Variants in LHFPL3 observed in about 807,000 individuals in gnomAD.
The protein encoded by LHFPL3 is LHFPL tetraspan subfamily member 3 protein.
Under a neutral mutation model 19.3 loss-of-function variants are expected in LHFPL3, and 5 were observed. That is an observed-to-expected ratio of 0.26 (90% CI 0.14 to 0.54). The LOEUF is 0.54. Ranked by LOEUF, LHFPL3 falls within the 20% of genes least tolerant of loss-of-function variation. The pLI is 0.94. For synonymous variants in LHFPL3, 133 were observed against 126.2 expected (o/e 1.05, Z -0.36); for missense variants, 249 against 307.4 (o/e 0.81, Z 1.42).
At chr7:104,334,596 C>G (rs939141988) in intron 1 of LHFPL3, among the ~76,000 whole-genome samples, 2 of 152,146 alleles carry the variant, frequency 1.3e-5, no homozygotes, top group Non-Finnish European at 2.9e-5. Flanking sequence ...ATGCTGTGTA[C>G]TTTGAAAGCC....
intron 2 of LHFPL3, among the ~76,000 whole-genome samples, chr7:104,877,598 A>G (rs982588559): frequency 1.3e-5 from 2 of 152,322 alleles, no homozygotes; most frequent in East Asian, 3.9e-4. Flanking sequence ...TAGGATGGCT[A>G]TGATCAAAGA....
At chr7:104,580,087 G>T (rs1248764900) in intron 1 of LHFPL3, among the ~76,000 whole-genome samples, 1 of 152,148 alleles carries the variant, frequency 6.6e-6, no homozygotes, top group East Asian at 1.9e-4. Context: ...CAATGTACTT[G>T]CAGAGACCCT....
chr7:104,577,289 T>C (rs866960894), intron 1 of LHFPL3, among the ~76,000 whole-genome samples: 9 of 151,924 alleles, frequency 5.9e-5, no homozygotes, highest in Admixed American at 3.9e-4. Flanking sequence ...ACCTTAGCAA[T>C]AGGGGCGTGT....
chr7:104,336,394 T>C (rs1789810702), intron 1 of LHFPL3, among the ~76,000 whole-genome samples: 1 of 152,086 alleles, frequency 6.6e-6, no homozygotes, highest in South Asian at 2.1e-4. Context: ...GCGCTTAAAT[T>C]ATGGCTACAG....
At chr7:104,433,938 C>G (rs1437224440) in intron 1 of LHFPL3, among the ~76,000 whole-genome samples, 1 of 152,188 alleles carries the variant, frequency 6.6e-6, no homozygotes, top group South Asian at 2.1e-4. Flanking sequence ...GATAAAAATA[C>G]ATGCATATAC....
intron 2 of LHFPL3, among the ~76,000 whole-genome samples, chr7:104,837,599 C>T (rs1318658406): frequency 6.6e-6 from 1 of 152,160 alleles, no homozygotes; most frequent in Admixed American, 6.5e-5. Context: ...GGACACACAG[C>T]TAGAAAGCAC....
chr7:104,746,611 G>A (rs1335421929), intron 2 of LHFPL3, among the ~76,000 whole-genome samples: 1 of 152,150 alleles, frequency 6.6e-6, no homozygotes, highest in Non-Finnish European at 1.5e-5. Context: ...TTTTATTGTT[G>A]CCTTTTCTTG....
At chr7:104,652,069 G>C (rs1398157493) in intron 1 of LHFPL3, among the ~76,000 whole-genome samples, 1 of 152,190 alleles carries the variant, frequency 6.6e-6, no homozygotes, top group Non-Finnish European at 1.5e-5. Flanking sequence ...TTGGCAACTA[G>C]GTGAATGGAG....
intron 1 of LHFPL3, among the ~76,000 whole-genome samples, chr7:104,451,544 TGAA>T (rs1026263582): frequency 6.6e-6 from 1 of 152,204 alleles, no homozygotes; most frequent in Non-Finnish European, 1.5e-5. Context: ...AGAACAAGTA[TGAA>T]GAAATTAAAA....
chr7:104,389,603 T>C (rs188170707), intron 1 of LHFPL3, among the ~76,000 whole-genome samples: 9 of 152,262 alleles, frequency 5.9e-5, no homozygotes, highest in East Asian at 3.9e-4. Flanking sequence ...CACTTCCCAA[T>C]TGCAAAACTT....
chr7:104,622,096 TC>T (rs1363857237), intron 1 of LHFPL3, among the ~76,000 whole-genome samples: 1 of 152,148 alleles, frequency 6.6e-6, no homozygotes, highest in African/African-American at 2.4e-5. Flanking sequence ...TATCCCCCCA[TC>T]CCACCTTTTC....
chr7:104,563,567 C>G (rs1230846158), intron 1 of LHFPL3, among the ~76,000 whole-genome samples: 2 of 152,256 alleles, frequency 1.3e-5, no homozygotes, highest in African/African-American at 4.8e-5. Context: ...CACCCACTGA[C>G]CTGCGCCCAC....
chr7:104,860,715 A>G (rs1791601622), intron 2 of LHFPL3, among the ~76,000 whole-genome samples: 1 of 152,208 alleles, frequency 6.6e-6, no homozygotes, highest in African/African-American at 2.4e-5. Context: ...CCTAGAATGT[A>G]AAGTGTTTAT....
chr7:104,689,114 G>A lies in LHFPL3; in HGVS notation c.446-47561G>A, dbSNP rs371043882. ...ACTTTGTGAAATAGATTTGTGAGGG[G>A]GAGAACCTGCATCCTTGAAGAGTTC... On this transcript the variant is annotated intron_variant, in intron 1 of 2. Coordinates refer to ENST00000424859, the MANE Select transcript of LHFPL3 (RefSeq NM_199000.3). 5.3e-5 allele frequency among the ~76,000 whole-genome samples: 8 copies of A among 152,316 alleles called. No homozygotes were observed. In the East Asian group the frequency reaches 1.5e-3, roughly 29 times the overall value.
intron 2 of LHFPL3, among the ~76,000 whole-genome samples, chr7:104,879,427 A>G (rs997804489): frequency 6.6e-6 from 1 of 152,014 alleles, no homozygotes; most frequent in East Asian, 1.9e-4. Flanking sequence ...AAAAAAAAAA[A>G]TTTTAAGGTG....
chr7:104,494,965 A>G (rs1793431596), intron 1 of LHFPL3, among the ~76,000 whole-genome samples: 1 of 152,202 alleles, frequency 6.6e-6, no homozygotes, highest in East Asian at 1.9e-4. Flanking sequence ...CTTGAACACA[A>G]CACACCAGTT....
At chr7:104,701,129 C>T (rs761244291) in intron 1 of LHFPL3, among the ~76,000 whole-genome samples, 9 of 152,056 alleles carry the variant, frequency 5.9e-5, no homozygotes, top group Admixed American at 2.0e-4. Flanking sequence ...GTATAAAATT[C>T]GGGAATGAAA....
chr7:104,659,236 G>A lies in LHFPL3; in HGVS notation c.446-77439G>A, dbSNP rs142884822. Among the ~76,000 whole-genome samples, 9 of 152,346 alleles carry A rather than the reference G, an allele frequency of 5.9e-5. No homozygotes were observed. In the East Asian group the frequency reaches 1.7e-3, roughly 29 times the overall value. Reference sequence around the variant, plus strand: ...GGCTTGCTGTGATGGTTTGGCATCTGCCATGTGGAAGATGGCTAGTTCTGC... The same window carrying A: ...GGCTTGCTGTGATGGTTTGGCATCTACCATGTGGAAGATGGCTAGTTCTGC... On this transcript the variant is annotated intron_variant, in intron 1 of 2. Transcript: ENST00000424859.
chr7:104,892,097 C>A (rs1408240717), intron 2 of LHFPL3, among the ~76,000 whole-genome samples: 3 of 152,196 alleles, frequency 2.0e-5, no homozygotes, highest in African/African-American at 7.2e-5. Context: ...TTCACTTATT[C>A]AACAAGAATG....
Sources: allele counts gnomAD v4.1 joint callset (sites outside exome capture counted in the v4.1 genomes callset), GRCh38; gene constraint gnomAD v4.1.1; transcripts MANE v1.5; gene names NCBI Gene and HGNC (gene_info 2026-07-23, HGNC 2026-07-21).